CADM2: variants seen among roughly 807,000 people sequenced by gnomAD.
The protein encoded by CADM2 is cell adhesion molecule 2.
In CADM2, 12 loss-of-function variants were observed where a neutral mutation model predicts 49.8. The ratio of observed to expected loss-of-function variants is 0.24; its 90% CI spans 0.15 to 0.39. The LOEUF is 0.39. CADM2 is among the 10% of genes least tolerant of loss of function. The probability of loss-of-function intolerance (pLI) is 1.00; values close to 1 mark genes in which losing one functional copy is unlikely to be tolerated. For synonymous variants in CADM2, 214 were observed against 175.4 expected (o/e 1.22, Z -1.74); for missense variants, 378 against 492.3 (o/e 0.77, Z 2.20).
intron 1 of CADM2, among the ~76,000 whole-genome samples, chr3:85,390,245 C>T (rs1196276351): frequency 1.3e-5 from 2 of 151,980 alleles, no homozygotes; most frequent in Non-Finnish European, 2.9e-5. Context: ...TTAACTCTCC[C>T]TGACTGAGGC....
intron 1 of CADM2, among the ~76,000 whole-genome samples, chr3:85,265,893 A>G (rs889671680): frequency 3.3e-5 from 5 of 151,654 alleles, no homozygotes; most frequent in African/African-American, 1.2e-4. Context: ...TGTTTTTCCA[A>G]CCTCCTTTTT....
intron 1 of CADM2, among the ~76,000 whole-genome samples, chr3:85,233,381 A>T (rs1255265843): frequency 6.6e-6 from 1 of 152,116 alleles, no homozygotes; most frequent in Non-Finnish European, 1.5e-5. Context: ...GTAACCATGG[A>T]CCTTAACTAA....
At chr3:84,995,545 G>A (rs1240909903) in intron 1 of CADM2, among the ~76,000 whole-genome samples, 1 of 152,178 alleles carries the variant, frequency 6.6e-6, no homozygotes, top group African/African-American at 2.4e-5. Context: ...ATTTAGAGAA[G>A]TTGCTTAGTA....
At chr3:85,625,533 G>C (rs1254264579) in intron 1 of CADM2, among the ~76,000 whole-genome samples, 2 of 151,486 alleles carry the variant, frequency 1.3e-5, no homozygotes, top group African/African-American at 4.9e-5. Context: ...ATTGAAAAAA[G>C]TACTTATGCA....
chr3:85,001,071 A>T (rs1258125899), intron 1 of CADM2, among the ~76,000 whole-genome samples: 1 of 152,066 alleles, frequency 6.6e-6, no homozygotes, highest in African/African-American at 2.4e-5. Context: ...TAACTTGTTC[A>T]GTTGTTGGGG....
chr3:85,328,540 A>G (rs1424611163), intron 1 of CADM2, among the ~76,000 whole-genome samples: 2 of 152,198 alleles, frequency 1.3e-5, no homozygotes, highest in African/African-American at 2.4e-5. Context: ...TTTGCGCTGG[A>G]TAAAGCAGGA....
At chr3:85,481,290 T>C (rs1380541470) in intron 1 of CADM2, among the ~76,000 whole-genome samples, 1 of 150,756 alleles carries the variant, frequency 6.6e-6, no homozygotes, top group Admixed American at 6.7e-5. Context: ...TATTTATATG[T>C]GTGATCAAAA....
chr3:85,249,616 A>G (rs771339321), intron 1 of CADM2, among the ~76,000 whole-genome samples: 1 of 151,934 alleles, frequency 6.6e-6, no homozygotes, highest in African/African-American at 2.4e-5. Flanking sequence ...TCCTTTGTTT[A>G]TTGGGAAAAA....
chr3:86,018,430 C>A (rs965334948), intron 8 of CADM2, among the ~76,000 whole-genome samples: 1 of 151,564 alleles, frequency 6.6e-6, no homozygotes, highest in Non-Finnish European at 1.5e-5. Context: ...ATTTCCAGTT[C>A]TAGATCCCTG....
intron 8 of CADM2, among the ~76,000 whole-genome samples, chr3:86,054,887 A>G (rs1043986724): frequency 6.6e-6 from 1 of 152,088 alleles, no homozygotes. Context: ...TATTGAAGTC[A>G]TTTATTTTTT....
At chr3:85,383,727 T>A (rs904255794) in intron 1 of CADM2, among the ~76,000 whole-genome samples, 6 of 151,242 alleles carry the variant, frequency 4.0e-5, no homozygotes, top group African/African-American at 1.5e-4. Flanking sequence ...AAACTTTTTA[T>A]GATTTTAAAT....
At position 85,568,469 on chromosome 3, in the gene CADM2, C is replaced by CTTTCTTTCTTTCTT. The variant is rs374134738; in HGVS notation, c.62-158052_62-158051insTTCTTTCTTTCTTT. On this transcript the variant is annotated intron_variant, in intron 1 of 9. Transcript: ENST00000383699. ...TTTCTTTCTTTCTTTCTTTCTCTTT[C>CTTTCTTTCTTTCTT]TCTCTCTTTCTTTCTTTCTTTCTTT... Among the ~76,000 whole-genome samples, 82 of 11,106 alleles carry CTTTCTTTCTTTCTT rather than the reference C, an allele frequency of 7.4e-3. 1 individual carries two copies. Among genetic ancestry groups the CTTTCTTTCTTTCTT allele is most frequent in the African/African-American group, 0.01 (66 of 6,488 alleles). The allele number at this position is 11,106 out of a possible 152,430, so 7.3% of individuals were successfully genotyped here.
In CADM2 at chr3:86,071,687, C is replaced by G. The variant is rs1739878981; in HGVS notation, c.*4904C>G. The G allele has an allele frequency of 6.6e-6, 1 of 152,058 alleles. No homozygotes were observed. 9.4% of individuals were successfully genotyped at this position (152,058 alleles called of 1,614,324 possible). ...GCACTCCCCACCCCCTGGGAAATCT[C>G]AAAAGCCAAGTTCTTCAGTGTATTC... On this transcript the variant is annotated 3_prime_UTR_variant, in exon 10 of 10. Transcript: ENST00000383699.
At chr3:85,161,920 G>A (rs1283539536) in intron 1 of CADM2, among the ~76,000 whole-genome samples, 1 of 152,022 alleles carries the variant, frequency 6.6e-6, no homozygotes, top group East Asian at 1.9e-4. Flanking sequence ...GGGAGGCTGA[G>A]GCAGCAGAAT....
intron 1 of CADM2, among the ~76,000 whole-genome samples, chr3:85,070,387 C>G (rs1047808281): frequency 8.5e-5 from 13 of 152,194 alleles, no homozygotes; most frequent in African/African-American, 3.1e-4. Flanking sequence ...TCAAATTATT[C>G]TTATAGAAAG....
intron 1 of CADM2, among the ~76,000 whole-genome samples, chr3:85,722,549 A>G (rs370191906): frequency 8.5e-5 from 13 of 152,210 alleles, no homozygotes; most frequent in African/African-American, 2.9e-4. Flanking sequence ...AATACCAGTA[A>G]TGTCCTTGCT....
At chr3:85,406,312 T>G (rs1018931274) in intron 1 of CADM2, among the ~76,000 whole-genome samples, 1 of 152,112 alleles carries the variant, frequency 6.6e-6, no homozygotes. Context: ...ATCTGAAACT[T>G]TCACTGAGAA....
intron 3 of CADM2, among the ~76,000 whole-genome samples, chr3:85,809,115 G>T (rs2072645055): frequency 6.6e-6 from 1 of 152,114 alleles, no homozygotes; most frequent in Non-Finnish European, 1.5e-5. Context: ...ATAAAAATGT[G>T]AAATTAATAA....
intron 1 of CADM2, among the ~76,000 whole-genome samples, chr3:85,487,757 CGT>C (rs891107767): frequency 1.3e-5 from 2 of 149,882 alleles, no homozygotes; most frequent in African/African-American, 4.9e-5. Flanking sequence ...CGTGTGTGTG[CGT>C]GTGTGTGTGC....
Sources: gnomAD v4.1 joint callset for allele counts (sites outside exome capture counted in the v4.1 genomes callset) on GRCh38, gnomAD v4.1.1 for gene constraint, MANE v1.5 for transcripts, NCBI Gene and HGNC (gene_info 2026-07-23, HGNC 2026-07-21) for gene names.